AKAP6: variants seen among roughly 807,000 people sequenced by gnomAD.
AKAP6 encodes the protein A-kinase anchoring protein 6.
A neutral mutation model predicts 188.5 loss-of-function variants in AKAP6; 58 were observed. The ratio of observed to expected loss-of-function variants is 0.31; its 90% CI spans 0.25 to 0.38. AKAP6 has a LOEUF of 0.38. AKAP6 is among the 10% of genes least tolerant of loss of function. The pLI, the probability that AKAP6 is intolerant of heterozygous loss-of-function variation, is 1.00. For synonymous variants in AKAP6, 989 were observed against 998.6 expected (o/e 0.99, Z 0.18); for missense variants, 2,710 against 2,740.0 (o/e 0.99, Z 0.24).
At chr14:32,828,683 C>T (rs1232835303) in intron 13 of AKAP6, among the ~76,000 whole-genome samples, 1 of 152,134 alleles carries the variant, frequency 6.6e-6, no homozygotes, top group Non-Finnish European at 1.5e-5. Context: ...TTTAGTAAGA[C>T]CAGATTTGCC....
chr14:32,749,284 T>G (rs1036728538), intron 11 of AKAP6, among the ~76,000 whole-genome samples: 15 of 152,222 alleles, frequency 9.9e-5, no homozygotes, highest in Admixed American at 8.5e-4. Flanking sequence ...TTTCCATTGG[T>G]AAATTTTTCA....
At chr14:32,520,581 A>G (rs1881774069) in intron 2 of AKAP6, among the ~76,000 whole-genome samples, 1 of 152,206 alleles carries the variant, frequency 6.6e-6, no homozygotes, top group Admixed American at 6.5e-5. Context: ...CAACACAAAT[A>G]AACTAGAAAA....
chr14:32,736,835 CAG>C (rs2031451093), intron 11 of AKAP6, among the ~76,000 whole-genome samples: 2 of 152,232 alleles, frequency 1.3e-5, no homozygotes, highest in Admixed American at 1.3e-4. Context: ...GCCAAACAGG[CAG>C]AGTCATCTTG....
chr14:32,702,671 G>C (rs953633606), intron 9 of AKAP6, among the ~76,000 whole-genome samples: 2 of 152,178 alleles, frequency 1.3e-5, no homozygotes, highest in Non-Finnish European at 2.9e-5. Flanking sequence ...GTGAGCTACT[G>C]TCCGGAAGGT....
intron 6 of AKAP6, 33 bp from the exon 7 acceptor site, chr14:32,600,596 C>T (rs1444277777): frequency 1.3e-6 from 2 of 1,566,400 alleles, no homozygotes; most frequent in South Asian, 2.4e-5. Context: ...CATTCAGGCC[C>T]ACAACTTCTG....
At chr14:32,626,561 A>G (rs917610627) in intron 7 of AKAP6, among the ~76,000 whole-genome samples, 1 of 151,986 alleles carries the variant, frequency 6.6e-6, no homozygotes, top group Non-Finnish European at 1.5e-5. Flanking sequence ...CATTTCCTAT[A>G]CCTCAGTCCA....
chr14:32,600,932 CA>C, intron 7 of AKAP6, 140 bp downstream of exon 7: 1 of 687,426 alleles, frequency 1.5e-6, no homozygotes, highest in Non-Finnish European at 2.1e-6. Context: ...TATATATAAA[CA>C]AAATGAAATG....
At chr14:32,780,448 A>G (rs1594939037) in intron 12 of AKAP6, among the ~76,000 whole-genome samples, 2 of 152,338 alleles carry the variant, frequency 1.3e-5, no homozygotes, top group South Asian at 2.1e-4. Context: ...GATCTAATGT[A>G]CAATCTGAGA....
rs557837628 is a variant in AKAP6, at chr14:32,383,622, A to T, written c.-34-49838A>T. On this transcript the variant is annotated intron_variant, in intron 1 of 13. Coordinates refer to ENST00000280979, the MANE Select transcript of AKAP6 (RefSeq NM_004274.5). ...ATTTAAATATCATGAGTAATTCTGC[A>T]TATCAATTTACTCAATAAGCCCAGG... 8.5e-5 allele frequency among the ~76,000 whole-genome samples: 13 copies of T among 152,306 alleles called. No individual in the cohort carries two copies. In the South Asian group the frequency reaches 2.5e-3, roughly 29 times the overall value.
At chr14:32,547,057 G>C in intron 4 of AKAP6, 58 bp downstream of exon 4, 1 of 1,471,738 alleles carries the variant, frequency 6.8e-7, no homozygotes, top group South Asian at 1.3e-5. Flanking sequence ...AGTATTGCTG[G>C]GAGAAGGTCA....
chr14:32,529,709 G>T (rs1008674201), intron 2 of AKAP6, among the ~76,000 whole-genome samples: 9 of 152,120 alleles, frequency 5.9e-5, no homozygotes, highest in Non-Finnish European at 8.8e-5. Context: ...TTGCCATAGG[G>T]AAATCTATCA....
intron 12 of AKAP6, among the ~76,000 whole-genome samples, chr14:32,796,390 A>G (rs765223215): frequency 6.6e-6 from 1 of 152,228 alleles, no homozygotes; most frequent in Non-Finnish European, 1.5e-5. Context: ...CTGCAAGGCT[A>G]CAGTAACTAA....
At chr14:32,563,503 G>A (rs1317781950) in intron 4 of AKAP6, among the ~76,000 whole-genome samples, 1 of 152,160 alleles carries the variant, frequency 6.6e-6, no homozygotes, top group African/African-American at 2.4e-5. Flanking sequence ...GGGGGGAAGG[G>A]TCAGGTCTTA....
intron 7 of AKAP6, among the ~76,000 whole-genome samples, chr14:32,675,825 T>C (rs1889402117): frequency 6.6e-6 from 1 of 152,242 alleles, no homozygotes; most frequent in Non-Finnish European, 1.5e-5. Context: ...AGCTTTGTTC[T>C]CTGAACTTCT....
At chr14:32,824,986 A>C (rs1248348149) in intron 13 of AKAP6, among the ~76,000 whole-genome samples, 171 bp downstream of exon 13, 2 of 149,614 alleles carry the variant, frequency 1.3e-5, no homozygotes, top group Admixed American at 1.3e-4. Flanking sequence ...GTGAAGCAAA[A>C]GAAAAAAAAA....
rs1395275610 is a variant in AKAP6 at position 32,823,740 on chromosome 14, C to A, written c.5927C>A (p.Ala1976Asp). 1.2e-6 allele frequency: 2 copies of A among 1,613,612 alleles called. No homozygotes were observed. Among genetic ancestry groups the A allele is most frequent in the Non-Finnish European group, 1.7e-6 (2 of 1,179,918 alleles). The change falls in exon 13 of 14, where the codon GCC becomes GAC. Residue 1976 changes from alanine to aspartate, a missense_variant. Physicochemically the swap from Ala to Asp is moderately radical, Grantham distance 126. This residue lies in a region of AKAP6 where 2,473 missense variants were observed against 2,426.1 expected (regional missense o/e 1.02). Transcript: ENST00000280979. The part of the protein sequence containing the change: ...NHHHFENQST[A>D]STPTEKSFSE... The stretch of plus-strand genomic sequence containing the variant: ...CACCATTTTGAAAATCAAAGCACTG[C>A]CTCTACTCCCACTGAGAAGTCTTTC...
intron 5 of AKAP6, among the ~76,000 whole-genome samples, chr14:32,592,432 A>G (rs943176705): frequency 4.6e-5 from 7 of 152,150 alleles, no homozygotes; most frequent in African/African-American, 1.7e-4. Flanking sequence ...CCTGAGATTA[A>G]TCTTAAAGGA....
At chr14:32,614,897 G>A (rs1349251479) in intron 7 of AKAP6, among the ~76,000 whole-genome samples, 2 of 151,982 alleles carry the variant, frequency 1.3e-5, no homozygotes, top group Non-Finnish European at 2.9e-5. Context: ...AAGGCTGGGT[G>A]CGGTGGCTCA....
chr14:32,379,323 C>T (rs1888267725), intron 1 of AKAP6, among the ~76,000 whole-genome samples: 1 of 152,172 alleles, frequency 6.6e-6, no homozygotes, highest in South Asian at 2.1e-4. Flanking sequence ...AAGCTATTTT[C>T]ATTTTTCCTG....
Sources: allele counts gnomAD v4.1 joint callset (sites outside exome capture counted in the v4.1 genomes callset), GRCh38; gene constraint gnomAD v4.1.1; regional missense constraint gnomAD v4.1.1; transcripts MANE v1.5; gene names NCBI Gene and HGNC (gene_info 2026-07-23, HGNC 2026-07-21).